NUDT12: variants seen among roughly 807,000 people sequenced by gnomAD.
The protein encoded by NUDT12 is NAD-capped RNA hydrolase NUDT12.
In NUDT12, 42 loss-of-function variants were observed where a neutral mutation model predicts 45.7. That is an observed-to-expected ratio of 0.92 (90% CI 0.72 to 1.19). NUDT12 has a LOEUF of 1.19. Among genes scored for constraint, NUDT12 ranks in the 50% most tolerant of loss-of-function variants. NUDT12 has a pLI of 0.00. For synonymous variants in NUDT12, 206 were observed against 179.7 expected (o/e 1.15, Z -1.17); for missense variants, 590 against 533.1 (o/e 1.11, Z -1.05).
At position 103,554,802 on chromosome 5, in the gene NUDT12, A is replaced by G; in HGVS notation, c.1016T>C (p.Leu339Ser). 5.7e-6 allele frequency: 9 copies of G among 1,566,696 alleles called. No homozygotes were observed. Among genetic ancestry groups the G allele is most frequent in the Non-Finnish European group, 7.8e-6 (9 of 1,152,230 alleles). ...TGGGGGAAATCTTTTCTGCCTGCCT[A>G]AAAGGCATTTGGTCCCATCTGGATG... ...VIHPDGTKCL[L>S]GRQKRFPPGM... Residue 339 changes from leucine to serine, a missense_variant, in exon 5 of 7, where the codon TTA (leucine) becomes TCA (serine). Transcript: ENST00000230792.
chr5:103,553,187 A>G (rs1045512407), intron 5 of NUDT12, among the ~76,000 whole-genome samples: 1 of 152,070 alleles, frequency 6.6e-6, no homozygotes, highest in Non-Finnish European at 1.5e-5. Flanking sequence ...AATCAAAAGA[A>G]CACATATAGT....
In NUDT12 at chr5:103,554,818, C is replaced by A; in HGVS notation, c.1000G>T (p.Gly334Trp). ...VVIMQVIHPDGTKCLLGRQKR... is the reference protein window; with the variant it reads ...VVIMQVIHPDWTKCLLGRQKR... ...TGCCTGCCTAAAAGGCATTTGGTCC[C>A]ATCTGGATGAATAACTTGCATGATT... The change falls in exon 5 of 7, where the codon GGG becomes TGG. Residue 334 changes from glycine (G) to tryptophan (W), a missense_variant. By Grantham distance (184) the Gly-to-Trp change is radical. Coordinates refer to ENST00000230792, the MANE Select transcript of NUDT12 (RefSeq NM_031438.4). 1 of 1,557,164 alleles carries A rather than the reference C, an allele frequency of 6.4e-7. No homozygotes were observed. Among genetic ancestry groups the A allele is most frequent in the Non-Finnish European group, 8.7e-7 (1 of 1,145,538 alleles).
intron 1 of NUDT12, among the ~76,000 whole-genome samples, chr5:103,562,455 C>T (rs1368262984): frequency 2.0e-5 from 3 of 152,102 alleles, no homozygotes; most frequent in African/African-American, 7.2e-5. Context: ...GTAGCGCTTC[C>T]TTTTCCCCAT....
chr5:103,554,979 G>C, intron 4 of NUDT12, 126 bp from the exon 5 acceptor site: 1 of 410,924 alleles, frequency 2.4e-6, no homozygotes, highest in Non-Finnish European at 4.4e-6. Context: ...TTGTCTGGTT[G>C]TAAGAGATTG....
At chr5:103,552,512 G>A (rs1748687746) in intron 5 of NUDT12, 96 bp from the exon 6 acceptor site, 1 of 866,790 alleles carries the variant, frequency 1.2e-6, no homozygotes, top group African/African-American at 1.7e-5. Flanking sequence ...ACTTTGGACA[G>A]AAACCCAATG....
chr5:103,552,518 C>T, intron 5 of NUDT12, 102 bp from the exon 6 acceptor site: 1 of 832,716 alleles, frequency 1.2e-6, no homozygotes, highest in East Asian at 2.6e-5. Flanking sequence ...GACAGAAACC[C>T]AATGCAAATA....
At position 103,559,036 on chromosome 5, in the gene NUDT12, A is replaced by G; in HGVS notation, c.639T>C (p.Ala213=). 1 of 1,613,864 alleles carries G rather than the reference A, an allele frequency of 6.2e-7. No individual in the cohort carries two copies. The highest frequency in any genetic ancestry group is 8.5e-7 in the Non-Finnish European group (1 of 1,179,814). Residue 213 remains alanine, a synonymous_variant, in exon 3 of 7, where the codon GCT becomes GCC. Coordinates refer to ENST00000230792, the MANE Select transcript of NUDT12 (RefSeq NM_031438.4). ...LEIKDKLLNY[A]GEVPREEEDG... The stretch of plus-strand genomic sequence containing the variant: ...CTTCCTCCTCTCTCGGGACTTCACC[A>G]GCATAATTAAGTAGTTTGTCTTTTA...
intron 5 of NUDT12, among the ~76,000 whole-genome samples, chr5:103,553,210 ATAGAC>A (rs1748711279): frequency 1.3e-5 from 2 of 152,098 alleles, no homozygotes; most frequent in Admixed American, 1.3e-4. Context: ...AAATATAATT[ATAGAC>A]TAGTGTAAGG....
At position 103,550,766 on chromosome 5, in the gene NUDT12, G is replaced by T; in HGVS notation, c.*95C>A. The T allele has an allele frequency of 1.3e-6, 1 of 787,172 alleles. No homozygotes were observed. The highest frequency in any genetic ancestry group is 2.1e-6 in the Non-Finnish European group (1 of 479,702). 48.8% of individuals were successfully genotyped at this position (787,172 alleles called of 1,614,324 possible). On this transcript the variant is annotated 3_prime_UTR_variant, in exon 7 of 7. Coordinates refer to ENST00000230792, the MANE Select transcript of NUDT12 (RefSeq NM_031438.4). ...AACCCAACATCGTATTTTGTGTTGT[G>T]ACACTCTCAAGAGTACTGAATAATC...
intron 6 of NUDT12, 131 bp downstream of exon 6, chr5:103,552,086 A>C (rs1020473856): frequency 9.1e-6 from 6 of 659,154 alleles, no homozygotes; most frequent in Non-Finnish European, 1.4e-5. Context: ...ACTAATTACC[A>C]TGTAATCCAT....
Position 103,555,964 on chromosome 5 carries a change from T to G in NUDT12, c.931A>C (p.Asn311His), listed in dbSNP as rs1219003701. The G allele has an allele frequency of 1.2e-6, 2 of 1,604,702 alleles. No homozygotes were observed. The highest frequency in any genetic ancestry group is 2.2e-5 in the South Asian group (2 of 89,034). ...LCLKEDCPSL[N>H]GVHNTSYPRV... is the part of the protein sequence containing the mutation. The stretch of plus-strand genomic sequence containing the variant: ...GGGTATGAGGTATTATGGACGCCAT[T>G]GAGACTAGGACAGTCTTCTTTTAAA... Residue 311 changes from asparagine to histidine, a missense_variant, in exon 4 of 7, where the codon AAT becomes CAT. Transcript: ENST00000230792.
chr5:103,550,832 A>T lies in NUDT12; in HGVS notation c.*29T>A. The T allele has an allele frequency of 6.9e-7, 1 of 1,444,170 alleles. No homozygotes were observed. Among genetic ancestry groups the T allele is most frequent in the Non-Finnish European group, 9.7e-7 (1 of 1,026,024 alleles). The allele number at this position is 1,444,170 out of a possible 1,614,324, so 89.5% of individuals were successfully genotyped here. On this transcript the variant is annotated 3_prime_UTR_variant, in exon 7 of 7. Transcript: ENST00000230792. The stretch of plus-strand genomic sequence containing the variant: ...GGAATGAGTGTTATTAGAAATTATT[A>T]AATAATACTCAAAGCTTAGTTCTTA...
At chr5:103,561,568 CT>C (rs1455069592) in intron 1 of NUDT12, among the ~76,000 whole-genome samples, 1 of 152,158 alleles carries the variant, frequency 6.6e-6, no homozygotes, top group African/African-American at 2.4e-5. Context: ...TTCGCTGTTC[CT>C]TTCATATTGA....
rs1435514709 is a variant in NUDT12, at chr5:103,550,782, C to T, written c.*79G>A. ...TTGTGTTGTGACACTCTCAAGAGTA[C>T]TGAATAATCTCTAATATCACTTGAG... On this transcript the variant is annotated 3_prime_UTR_variant, in exon 7 of 7. Transcript: ENST00000230792. The T allele has an allele frequency of 2.0e-6, 2 of 991,846 alleles. No individual in the cohort carries two copies. Among genetic ancestry groups the T allele is most frequent in the East Asian group, 2.4e-5 (1 of 40,868 alleles). The allele number at this position is 991,846 out of a possible 1,614,324, so 61.4% of individuals were successfully genotyped here.
rs1351754825 is a variant in NUDT12 at position 103,548,927 on chromosome 5, T to A, written c.*1934A>T. ...ACATTCACGGCACTATCACATCTAC[T>A]ATTCTTTTGAACTGGCCATTCCTTC... On this transcript the variant is annotated 3_prime_UTR_variant, in exon 7 of 7. Transcript: ENST00000230792. 6.6e-6 allele frequency: 1 copy of A among 152,168 alleles called. No individual in the cohort carries two copies. The highest frequency in any genetic ancestry group is 1.5e-5 in the Non-Finnish European group (1 of 68,002). 9.4% of individuals were successfully genotyped at this position (152,168 alleles called of 1,614,324 possible).
Position 103,550,667 on chromosome 5 carries a change from C to T in NUDT12, c.*194G>A, listed in dbSNP as rs1399291017. 4.8e-6 allele frequency: 2 copies of T among 416,582 alleles called. No individual in the cohort carries two copies. Among genetic ancestry groups the T allele is most frequent in the Non-Finnish European group, 8.6e-6 (2 of 232,242 alleles). The allele number at this position is 416,582 out of a possible 1,614,324, so 25.8% of individuals were successfully genotyped here. A position where few individuals can be genotyped will look rare whatever the true frequency, so the allele number is the denominator to read the frequency against. ...AAGACTGACCCAAATTTAACATAAT[C>T]TGAGGCAATATTGTAAAAATGTGTA... On this transcript the variant is annotated 3_prime_UTR_variant, in exon 7 of 7. Coordinates refer to ENST00000230792, the MANE Select transcript of NUDT12 (RefSeq NM_031438.4).
At chr5:103,551,070 T>A in intron 6 of NUDT12, 99 bp from the exon 7 acceptor site, 1 of 832,636 alleles carries the variant, frequency 1.2e-6, no homozygotes, top group East Asian at 2.6e-5. Flanking sequence ...TGATGAGTTT[T>A]ACAGTGAATA....
intron 5 of NUDT12, 177 bp downstream of exon 5, chr5:103,554,563 T>G (rs753906371): frequency 1.2e-5 from 4 of 325,474 alleles, no homozygotes; most frequent in Non-Finnish European, 2.2e-5. Context: ...TATATAATTC[T>G]CATATAAAAC....
At position 103,554,859 on chromosome 5, in the gene NUDT12, GA is replaced by G. The variant is rs11373550; in HGVS notation, c.965-7del. 2.3e-4 allele frequency: 237 copies of G among 1,015,714 alleles called. No homozygotes were observed. The highest frequency in any genetic ancestry group is 4.8e-4 in the South Asian group (27 of 56,530). The allele number at this position is 1,015,714 out of a possible 1,614,324, so 62.9% of individuals were successfully genotyped here. ...TTGCATGATTACTACTGGATCTGTTGAAAAAAAAAATCAGATACATGAATGG... is the reference window on the plus strand; with the variant it reads ...TTGCATGATTACTACTGGATCTGTTGAAAAAAAAATCAGATACATGAATGG... On this transcript the variant is annotated splice_polypyrimidine_tract_variant and splice_region_variant and intron_variant, in intron 4 of 6. Transcript: ENST00000230792.
Sources: gnomAD v4.1 joint callset for allele counts (sites outside exome capture counted in the v4.1 genomes callset) on GRCh38, gnomAD v4.1.1 for gene constraint, MANE v1.5 for transcripts, NCBI Gene and HGNC (gene_info 2026-07-23, HGNC 2026-07-21) for gene names.